The following CDK6 variants were observed in gnomAD, a reference collection of about 807,000 sequenced individuals.
The protein encoded by CDK6 is cyclin dependent kinase 6.
In CDK6, 6 loss-of-function variants were observed where a neutral mutation model predicts 37.1. That is an observed-to-expected ratio of 0.16 (90% CI 0.09 to 0.32). CDK6 has a LOEUF of 0.32. Ranked by LOEUF, CDK6 falls within the 10% of genes least tolerant of loss-of-function variation. The probability of loss-of-function intolerance (pLI) is 1.00; values close to 1 mark genes in which losing one functional copy is unlikely to be tolerated. For missense variants in CDK6, 224 were observed against 418.9 expected, an observed-to-expected ratio of 0.53 and a Z score of 4.06; for synonymous variants, 160 against 161.3, an observed-to-expected ratio of 0.99 and a Z score of 0.06.
chr7:92,622,559 C>T (rs1325039085), intron 6 of CDK6, among the ~76,000 whole-genome samples: 2 of 151,992 alleles, frequency 1.3e-5, no homozygotes, highest in African/African-American at 4.8e-5. Context: ...TATTTTGGTG[C>T]TCCAAAGAAA....
chr7:92,624,304 C>G (rs1795875748), intron 5 of CDK6, among the ~76,000 whole-genome samples: 1 of 152,066 alleles, frequency 6.6e-6, no homozygotes. Context: ...GGAGATAGAG[C>G]CTTTAAACAA....
chr7:92,738,819 G>GTAACT (rs1798852025), intron 3 of CDK6, among the ~76,000 whole-genome samples: 1 of 151,984 alleles, frequency 6.6e-6, no homozygotes, highest in African/African-American at 2.4e-5. Context: ...TGTCTAAAAT[G>GTAACT]TCTTGAACTA....
At chr7:92,638,132 TAA>T (rs1398601272) in intron 5 of CDK6, among the ~76,000 whole-genome samples, 2 of 152,254 alleles carry the variant, frequency 1.3e-5, no homozygotes, top group African/African-American at 4.8e-5. Flanking sequence ...CTAAAAAATT[TAA>T]AAGACATTTT....
intron 5 of CDK6, among the ~76,000 whole-genome samples, chr7:92,657,025 T>C (rs1002473499): frequency 6.6e-6 from 1 of 152,144 alleles, no homozygotes; most frequent in Admixed American, 6.5e-5. Context: ...TGCACAGTTG[T>C]CTCTGTTTCT....
intron 2 of CDK6, among the ~76,000 whole-genome samples, chr7:92,821,642 T>C (rs879133490): frequency 2.0e-5 from 3 of 152,008 alleles, no homozygotes; most frequent in Admixed American, 2.0e-4. Context: ...TTCTATTCTA[T>C]TACTCACTCC....
At chr7:92,642,143 G>A (rs1796322678) in intron 5 of CDK6, among the ~76,000 whole-genome samples, 1 of 152,094 alleles carries the variant, frequency 6.6e-6, no homozygotes, top group Non-Finnish European at 1.5e-5. Context: ...GAAAACAAGG[G>A]AAGACCAAGT....
chr7:92,672,655 C>A (rs1275882979), intron 4 of CDK6, among the ~76,000 whole-genome samples: 1 of 151,882 alleles, frequency 6.6e-6, no homozygotes, highest in Non-Finnish European at 1.5e-5. Context: ...TCTATGGATA[C>A]CCTGGGAGGT....
intron 2 of CDK6, among the ~76,000 whole-genome samples, chr7:92,783,967 T>C (rs1404730906): frequency 3.9e-5 from 6 of 152,192 alleles, no homozygotes; most frequent in Admixed American, 1.3e-4. Flanking sequence ...CAGGCACTTC[T>C]ACGTCATCAA....
chr7:92,826,141 C>G (rs953743625), intron 2 of CDK6, among the ~76,000 whole-genome samples: 3 of 152,082 alleles, frequency 2.0e-5, no homozygotes, highest in African/African-American at 7.2e-5. Flanking sequence ...ATTTCACTCA[C>G]TTGTTACGTA....
intron 2 of CDK6, among the ~76,000 whole-genome samples, chr7:92,826,985 A>AT (rs1801338979): frequency 6.6e-6 from 1 of 152,014 alleles, no homozygotes; most frequent in African/African-American, 2.4e-5. Flanking sequence ...ATCTCAAGGG[A>AT]TTTTTTTCTG....
Position 92,614,540 on chromosome 7 carries a change from C to T in CDK6, c.*600G>A, listed in dbSNP as rs905773881. ...TTGGCCAGAAAAGAAATGCTGAGGA[C>T]ATGGGGTTAACTTTCTAATTTGAGA... On this transcript the variant is annotated 3_prime_UTR_variant, in exon 8 of 8. Transcript: ENST00000424848. 8.6e-6 allele frequency: 2 copies of T among 233,354 alleles called. No individual in the cohort carries two copies. Among genetic ancestry groups the T allele is most frequent in the Non-Finnish European group, 1.7e-5 (2 of 118,086 alleles). 14.5% of individuals were successfully genotyped at this position (233,354 alleles called of 1,614,324 possible).
chr7:92,719,414 G>A (rs1293699806), intron 4 of CDK6, among the ~76,000 whole-genome samples: 2 of 152,028 alleles, frequency 1.3e-5, no homozygotes, highest in Admixed American at 6.6e-5. Context: ...TACAGCTGTC[G>A]AATAAAAGTC....
chr7:92,816,192 T>C (rs1801025368), intron 2 of CDK6, among the ~76,000 whole-genome samples: 1 of 152,110 alleles, frequency 6.6e-6, no homozygotes, highest in South Asian at 2.1e-4. Flanking sequence ...CATGCAGCCA[T>C]ACAGAACATG....
intron 3 of CDK6, among the ~76,000 whole-genome samples, chr7:92,753,781 A>G (rs997319625): frequency 2.6e-5 from 4 of 152,090 alleles, no homozygotes; most frequent in Non-Finnish European, 4.4e-5. Flanking sequence ...TCTACCTCAG[A>G]TTTGTGGTTC....
intron 3 of CDK6, among the ~76,000 whole-genome samples, chr7:92,733,690 C>T (rs1465381626): frequency 5.3e-5 from 8 of 152,206 alleles, no homozygotes; most frequent in African/African-American, 1.9e-4. Flanking sequence ...CACTATTTCT[C>T]ATGTTCTAAA....
At chr7:92,767,125 T>G (rs1799601374) in intron 3 of CDK6, among the ~76,000 whole-genome samples, 1 of 152,216 alleles carries the variant, frequency 6.6e-6, no homozygotes, top group Non-Finnish European at 1.5e-5. Flanking sequence ...ATGTAGCTTT[T>G]TATAGGATTG....
intron 4 of CDK6, chr7:92,701,578 T>A (rs1797846161): frequency 6.6e-6 from 1 of 152,230 alleles, no homozygotes; most frequent in Non-Finnish European, 1.5e-5. Flanking sequence ...GCTAATTTTT[T>A]GTATTTTTAG....
At chr7:92,631,078 T>C (rs986251896) in intron 5 of CDK6, among the ~76,000 whole-genome samples, 4 of 152,194 alleles carry the variant, frequency 2.6e-5, no homozygotes, top group African/African-American at 4.8e-5. Flanking sequence ...TCTTGCTTTA[T>C]ACTGTGCCTT....
At chr7:92,747,066 A>C (rs1391374567) in intron 3 of CDK6, among the ~76,000 whole-genome samples, 1 of 152,154 alleles carries the variant, frequency 6.6e-6, no homozygotes, top group Admixed American at 6.5e-5. Context: ...AGTTGCAGCC[A>C]CAAGTTATTG....
Sources: gnomAD v4.1 joint callset for allele counts (sites outside exome capture counted in the v4.1 genomes callset) on GRCh38, gnomAD v4.1.1 for gene constraint, MANE v1.5 for transcripts, NCBI Gene and HGNC (gene_info 2026-07-23, HGNC 2026-07-21) for gene names.